Variants in GCNT2 observed in about 807,000 individuals in gnomAD.
The protein encoded by GCNT2 is glucosaminyl (N-acetyl) transferase 2 (I blood group), also known as N-acetyllactosaminide beta-1,6-N-acetylglucosaminyl-transferase.
A neutral mutation model predicts 34.2 loss-of-function variants in GCNT2; 34 were observed. The observed-to-expected ratio is 1.00, with a 90% CI of 0.76 to 1.32. The LOEUF (loss-of-function observed/expected upper bound fraction) is 1.32. Among genes scored for constraint, GCNT2 ranks in the 40% most tolerant of loss-of-function variants. GCNT2 has a pLI of 0.00. For missense variants in GCNT2, 584 were observed against 489.4 expected (o/e 1.19, Z -1.82); for synonymous variants, 212 against 188.0 (o/e 1.13, Z -1.04).
At chr6:10,563,321 C>T (rs1026484539) in intron 3 of GCNT2, among the ~76,000 whole-genome samples, 3 of 152,150 alleles carry the variant, frequency 2.0e-5, no homozygotes, top group African/African-American at 4.8e-5. Flanking sequence ...AATAATGTCA[C>T]TCTATTATAT....
In GCNT2 at chr6:10,618,124, G is replaced by C. The variant is rs1765874103; in HGVS notation, c.926-3227G>C. Among the ~76,000 whole-genome samples, 3 of 152,268 alleles carry C rather than the reference G, an allele frequency of 2.0e-5. No homozygotes were observed. The Middle Eastern group carries it at 0.01, about 518-fold the overall frequency. ...TACTCTTAAGAGCCACACTCAAAAA[G>C]CAAGGCTTTGTGCCCACTCCTGCCA... On this transcript the variant is annotated intron_variant, in intron 3 of 4. Transcript: ENST00000495262.
chr6:10,578,648 G>C (rs113646237), intron 3 of GCNT2, among the ~76,000 whole-genome samples: 6 of 151,862 alleles, frequency 4.0e-5, no homozygotes, highest in Non-Finnish European at 7.4e-5. Flanking sequence ...GGGTTTCATC[G>C]TGTTAGCCAG....
intron 3 of GCNT2, among the ~76,000 whole-genome samples, chr6:10,617,348 C>A (rs567598978): frequency 6.6e-6 from 1 of 152,314 alleles, no homozygotes; most frequent in South Asian, 2.1e-4. Context: ...CCGGAACTCA[C>A]GCTGGCCGGC....
At chr6:10,558,726 G>T (rs549499687) in intron 3 of GCNT2, among the ~76,000 whole-genome samples, 3 of 152,232 alleles carry the variant, frequency 2.0e-5, no homozygotes, top group East Asian at 3.8e-4. Flanking sequence ...GGCCTGCTGG[G>T]CGATAAACAC....
intron 3 of GCNT2, chr6:10,530,073 A>C (rs1761411122): frequency 1.2e-5 from 6 of 484,370 alleles, no homozygotes; most frequent in Non-Finnish European, 1.5e-5. Context: ...CATATAAATA[A>C]AAACGTGACC....
At chr6:10,616,129 G>A (rs1488090057) in intron 3 of GCNT2, among the ~76,000 whole-genome samples, 1 of 150,198 alleles carries the variant, frequency 6.7e-6, no homozygotes, top group Non-Finnish European at 1.5e-5. Context: ...TTTCCTTCTG[G>A]TGGGTTCGTG....
chr6:10,615,243 TC>T (rs1248575165), intron 3 of GCNT2, among the ~76,000 whole-genome samples: 2 of 152,164 alleles, frequency 1.3e-5, no homozygotes, highest in Non-Finnish European at 2.9e-5. Context: ...TCACACTTGA[TC>T]ACACACAAGA....
intron 3 of GCNT2, among the ~76,000 whole-genome samples, chr6:10,547,534 G>C (rs142503291): frequency 6.6e-6 from 1 of 152,302 alleles, no homozygotes; most frequent in East Asian, 1.9e-4. Context: ...AAGATATGGT[G>C]GAAATAATGC....
At chr6:10,593,014 T>A (rs527937896) in intron 3 of GCNT2, among the ~76,000 whole-genome samples, 27 of 152,362 alleles carry the variant, frequency 1.8e-4, no homozygotes, top group African/African-American at 6.5e-4. Flanking sequence ...GTGTTGGGAT[T>A]ACAGGCGTGA....
chr6:10,612,893 G>A (rs1765621138), intron 3 of GCNT2, among the ~76,000 whole-genome samples: 1 of 152,150 alleles, frequency 6.6e-6, no homozygotes, highest in Non-Finnish European at 1.5e-5. Flanking sequence ...AGATATTAAA[G>A]GGTCAAAGGG....
chr6:10,607,511 G>C (rs139074371), intron 3 of GCNT2, among the ~76,000 whole-genome samples: 1 of 152,090 alleles, frequency 6.6e-6, no homozygotes, highest in African/African-American at 2.4e-5. Context: ...CAGCTCCAAC[G>C]CTGAGGATTA....
intron 3 of GCNT2, chr6:10,555,854 A>G (rs1561795779): frequency 1.0e-6 from 1 of 985,228 alleles, no homozygotes; most frequent in Non-Finnish European, 1.2e-6. Flanking sequence ...AACAGAAGCT[A>G]TTTTCTATCC....
At chr6:10,586,161 G>C in intron 3 of GCNT2, 3 of 1,614,192 alleles carry the variant, frequency 1.9e-6, no homozygotes, top group Non-Finnish European at 1.7e-6. Context: ...GAAAATGCCA[G>C]TCTTTTTGTG....
At chr6:10,606,958 T>G (rs1765349644) in intron 3 of GCNT2, among the ~76,000 whole-genome samples, 1 of 151,870 alleles carries the variant, frequency 6.6e-6, no homozygotes, top group African/African-American at 2.4e-5. Context: ...TTATTATTTA[T>G]TTTTTTGAGA....
chr6:10,549,563 C>CTT lies in GCNT2; in HGVS notation c.925+19752_925+19753dup, dbSNP rs33909973. ...TTCCTTTCTCTCTCAATCTCTCTCT[C>CTT]TTTTTTTTTTTTTTTTTTTTTTTTT... On this transcript the variant is annotated intron_variant, in intron 3 of 4. Transcript: ENST00000495262. Among the ~76,000 whole-genome samples the CTT allele has an allele frequency of 4.9e-3, 507 of 104,248 alleles. 2 individuals are homozygous for CTT. Among genetic ancestry groups the CTT allele is most frequent in the Non-Finnish European group, 6.7e-3 (367 of 54,418 alleles). The allele number at this position is 104,248 out of a possible 152,430, so 68.4% of individuals were successfully genotyped here.
intron 3 of GCNT2, among the ~76,000 whole-genome samples, chr6:10,559,710 A>G (rs942957629): frequency 2.6e-5 from 4 of 152,250 alleles, no homozygotes; most frequent in African/African-American, 4.8e-5. Context: ...CCAGAGAGCA[A>G]CTGCCTGGAG....
At chr6:10,554,419 G>A (rs767029429) in intron 3 of GCNT2, among the ~76,000 whole-genome samples, 1 of 152,188 alleles carries the variant, frequency 6.6e-6, no homozygotes, top group Non-Finnish European at 1.5e-5. Flanking sequence ...TCTTAATATA[G>A]TAATGCTATT....
At chr6:10,621,680 G>A (rs1411041897) in intron 4 of GCNT2, 1 of 482,196 alleles carries the variant, frequency 2.1e-6, no homozygotes, top group African/African-American at 2.0e-5. Flanking sequence ...TCAAATCAGG[G>A]CGGCATGTTT....
intron 3 of GCNT2, among the ~76,000 whole-genome samples, chr6:10,570,123 T>C (rs1042629860): frequency 3.9e-5 from 6 of 152,124 alleles, no homozygotes; most frequent in South Asian, 2.1e-4. Context: ...TTTGTAGATA[T>C]GGGGTTTTGC....
Sources: allele counts gnomAD v4.1 joint callset (sites outside exome capture counted in the v4.1 genomes callset), GRCh38; gene constraint gnomAD v4.1.1; transcripts MANE v1.5; gene names NCBI Gene and HGNC (gene_info 2026-07-23, HGNC 2026-07-21).